Variants in UBE2R2 observed in about 807,000 individuals in gnomAD.
UBE2R2 encodes the protein ubiquitin conjugating enzyme E2 R2, also known as ubiquitin-conjugating enzyme E2 R2.
Under a neutral mutation model 27.8 loss-of-function variants are expected in UBE2R2, and 1 was observed. The ratio of observed to expected loss-of-function variants is 0.04; its 90% CI spans 0.01 to 0.17. The LOEUF (loss-of-function observed/expected upper bound fraction) is 0.17. Ranked by LOEUF, UBE2R2 falls within the 10% of genes least tolerant of loss-of-function variation. UBE2R2 has a pLI of 1.00. For missense variants in UBE2R2, 100 were observed against 291.0 expected (o/e 0.34, Z 4.78); for synonymous variants, 106 against 113.3 (o/e 0.94, Z 0.41).
At chr9:33,833,725 A>C (rs984276535) in intron 1 of UBE2R2, among the ~76,000 whole-genome samples, 1 of 152,222 alleles carries the variant, frequency 6.6e-6, no homozygotes. Flanking sequence ...TGTAACCAGC[A>C]TCATGACCTA....
intron 1 of UBE2R2, among the ~76,000 whole-genome samples, chr9:33,866,633 AT>A (rs1345122920): frequency 2.0e-5 from 3 of 151,990 alleles, no homozygotes; most frequent in Non-Finnish European, 4.4e-5. Flanking sequence ...GGGCATCTGT[AT>A]ATCTAGTCTT....
Position 33,883,280 on chromosome 9 carries a change from A to C in UBE2R2, c.178-3601A>C, listed in dbSNP as rs190780710. On this transcript the variant is annotated intron_variant, in intron 1 of 4. Transcript: ENST00000263228. ...ATTCAATTCATTGTTGACACTGTCT[A>C]CCTGGAGATAACATCAGATTCTATA... 2.6e-5 allele frequency among the ~76,000 whole-genome samples: 4 copies of C among 152,226 alleles called. No homozygotes were observed. The East Asian group carries it at 7.7e-4, about 29-fold the overall frequency.
In UBE2R2 at chr9:33,917,135, G is replaced by A. The variant is rs1822666143; in HGVS notation, c.615G>A (p.Leu205=). The part of the protein sequence containing the change: ...KVPSNDNSSD[L]LYDDLYDDDI... Reference sequence around the variant, plus strand: ...CTTCCAATGACAACAGCTCAGATTTGCTTTACGACGACTTGTATGATGACG... The same window carrying A: ...CTTCCAATGACAACAGCTCAGATTTACTTTACGACGACTTGTATGATGACG... The change falls in exon 5 of 5, where the codon TTG becomes TTA. Residue 205 remains leucine, a synonymous_variant. Transcript: ENST00000263228. The A allele has an allele frequency of 6.2e-7, 1 of 1,614,076 alleles. No individual in the cohort carries two copies. The highest frequency in any genetic ancestry group is 1.7e-5 in the Admixed American group (1 of 60,000).
At chr9:33,820,808 T>A (rs1825969198) in intron 1 of UBE2R2, among the ~76,000 whole-genome samples, 1 of 152,250 alleles carries the variant, frequency 6.6e-6, no homozygotes, top group South Asian at 2.1e-4. Flanking sequence ...GGTTTCTAAC[T>A]GATCTTTTTC....
At chr9:33,889,657 G>C (rs1821936523) in intron 2 of UBE2R2, among the ~76,000 whole-genome samples, 1 of 152,162 alleles carries the variant, frequency 6.6e-6, no homozygotes, top group African/African-American at 2.4e-5. Context: ...GAAGTGAGAA[G>C]GAGCAAACTT....
Position 33,917,948 on chromosome 9 carries a change from T to C in UBE2R2, c.*711T>C, listed in dbSNP as rs368242010. 1.3e-5 allele frequency: 2 copies of C among 153,666 alleles called. No homozygotes were observed. The highest frequency in any genetic ancestry group is 4.8e-5 in the African/African-American group (2 of 41,432). 9.5% of individuals were successfully genotyped at this position (153,666 alleles called of 1,614,324 possible). On this transcript the variant is annotated 3_prime_UTR_variant, in exon 5 of 5. Transcript: ENST00000263228. Reference sequence around the variant, plus strand: ...TCAGACTTTGTTTTTTGAAATCGATTGGGATCGAAAGCCTGAAATAAATAT... The same window carrying C: ...TCAGACTTTGTTTTTTGAAATCGATCGGGATCGAAAGCCTGAAATAAATAT...
At chr9:33,874,199 C>T (rs1821554465) in intron 1 of UBE2R2, among the ~76,000 whole-genome samples, 2 of 151,888 alleles carry the variant, frequency 1.3e-5, no homozygotes. Context: ...CTGCCTGCCT[C>T]GGGCTCCCAA....
chr9:33,822,619 A>G (rs1820173709), intron 1 of UBE2R2, among the ~76,000 whole-genome samples: 1 of 151,210 alleles, frequency 6.6e-6, no homozygotes, highest in Non-Finnish European at 1.5e-5. Context: ...TTATGCAGAA[A>G]GGGTCTCATA....
intron 1 of UBE2R2, 133 bp downstream of exon 1, chr9:33,818,067 C>T (rs1825855872): frequency 9.5e-7 from 1 of 1,048,988 alleles, no homozygotes; most frequent in Non-Finnish European, 1.3e-6. Context: ...GCAGCCCCCT[C>T]CCCCATCCCT....
intron 3 of UBE2R2, among the ~76,000 whole-genome samples, chr9:33,902,738 G>T (rs1483693682): frequency 6.6e-6 from 1 of 152,170 alleles, no homozygotes; most frequent in African/African-American, 2.4e-5. Context: ...GGGGAAAAGT[G>T]TCCTACGTAG....
At chr9:33,845,621 G>T (rs1054063422) in intron 1 of UBE2R2, among the ~76,000 whole-genome samples, 4 of 152,098 alleles carry the variant, frequency 2.6e-5, no homozygotes, top group Non-Finnish European at 5.9e-5. Context: ...AGTGGTTCTT[G>T]ATAGGCTAAC....
chr9:33,843,920 A>C (rs1490610938), intron 1 of UBE2R2, among the ~76,000 whole-genome samples: 1 of 152,184 alleles, frequency 6.6e-6, no homozygotes, highest in East Asian at 1.9e-4. Context: ...TTTGTCATAT[A>C]ATTTTAGTTT....
At chr9:33,910,205 C>T (rs995028596) in intron 3 of UBE2R2, among the ~76,000 whole-genome samples, 3 of 152,086 alleles carry the variant, frequency 2.0e-5, no homozygotes, top group African/African-American at 4.8e-5. Context: ...AGTACAGTGG[C>T]GTGATCTCAG....
chr9:33,818,143 G>T (rs1825861643), intron 1 of UBE2R2, among the ~76,000 whole-genome samples: 1 of 152,082 alleles, frequency 6.6e-6, no homozygotes, highest in African/African-American at 2.4e-5. Flanking sequence ...CTCGGGCGGG[G>T]GCGGGAGGGC....
chr9:33,872,410 C>T (rs1821505623), intron 1 of UBE2R2, among the ~76,000 whole-genome samples: 1 of 152,028 alleles, frequency 6.6e-6, no homozygotes, highest in South Asian at 2.1e-4. Context: ...AAAAGACCCT[C>T]TTTCAGAGCA....
At chr9:33,896,065 G>A (rs956109512) in intron 2 of UBE2R2, among the ~76,000 whole-genome samples, 7 of 151,866 alleles carry the variant, frequency 4.6e-5, no homozygotes, top group African/African-American at 7.3e-5. Flanking sequence ...GAGCCACCCC[G>A]CCTGGCCAGA....
intron 1 of UBE2R2, among the ~76,000 whole-genome samples, chr9:33,834,753 A>T (rs1820575301): frequency 6.6e-6 from 1 of 151,832 alleles, no homozygotes; most frequent in Non-Finnish European, 1.5e-5. Context: ...TCTACTAAAA[A>T]TACAAAATTA....
At chr9:33,870,141 A>C (rs1312396495) in intron 1 of UBE2R2, among the ~76,000 whole-genome samples, 1 of 150,408 alleles carries the variant, frequency 6.6e-6, no homozygotes, top group Non-Finnish European at 1.5e-5. Flanking sequence ...CACTGTGCCC[A>C]GCCTTATTTT....
intron 1 of UBE2R2, among the ~76,000 whole-genome samples, chr9:33,853,493 C>T (rs1000085407): frequency 7.9e-5 from 12 of 152,034 alleles, no homozygotes; most frequent in Non-Finnish European, 1.5e-5. Flanking sequence ...CCTTGTTGGT[C>T]AGGCTGGTCT....
Sources: allele counts gnomAD v4.1 joint callset (sites outside exome capture counted in the v4.1 genomes callset), GRCh38; gene constraint gnomAD v4.1.1; transcripts MANE v1.5; gene names NCBI Gene and HGNC (gene_info 2026-07-23, HGNC 2026-07-21).